Variants in TIAM1 observed in about 807,000 individuals in gnomAD.
The protein encoded by TIAM1 is TIAM Rac1 associated GEF 1.
A neutral mutation model predicts 163.5 loss-of-function variants in TIAM1; 65 were observed. That is an observed-to-expected ratio of 0.40 (90% CI 0.33 to 0.49). TIAM1 has a LOEUF of 0.49. TIAM1 is among the 20% of genes least tolerant of loss of function. The probability of loss-of-function intolerance (pLI) is 0.77; values close to 1 mark genes in which losing one functional copy is unlikely to be tolerated. For synonymous variants in TIAM1, 833 were observed against 810.1 expected (o/e 1.03, Z -0.48); for missense variants, 1,789 against 2,044.7 (o/e 0.87, Z 2.41).
intron 2 of TIAM1, among the ~76,000 whole-genome samples, chr21:31,289,423 G>A (rs1000724512): frequency 2.6e-5 from 4 of 152,118 alleles, no homozygotes; most frequent in East Asian, 1.9e-4. Context: ...CAAAACCCAC[G>A]GGCATCACAA....
At chr21:31,189,868 G>C (rs1189923225) in intron 13 of TIAM1, among the ~76,000 whole-genome samples, 1 of 152,142 alleles carries the variant, frequency 6.6e-6, no homozygotes, top group Non-Finnish European at 1.5e-5. Flanking sequence ...AGAACATAAT[G>C]ATTTTAACAG....
Position 31,206,933 on chromosome 21 carries a change from G to GTA in TIAM1, c.2388+3110_2388+3111dup, listed in dbSNP as rs1247853708. ...ATGTAGTCACTGCATACAGAAATAT[G>GTA]TATACACACACACACACACAAAGTG... On this transcript the variant is annotated intron_variant, in intron 11 of 27. Coordinates refer to ENST00000541036, the MANE Select transcript of TIAM1 (RefSeq NM_001353694.2). Among the ~76,000 whole-genome samples, 8 of 136,666 alleles carry GTA rather than the reference G, an allele frequency of 5.9e-5. No homozygotes were observed. The South Asian group carries it at 1.7e-3, about 29-fold the overall frequency. 89.7% of individuals were successfully genotyped at this position (136,666 alleles called of 152,430 possible). A position where few individuals can be genotyped will look rare whatever the true frequency, so the allele number is the denominator to read the frequency against.
rs2076792344 is a variant in TIAM1 at position 31,382,321 on chromosome 21, T to G, written c.-368-42899A>C. Among the ~76,000 whole-genome samples, 5 of 152,212 alleles carry G rather than the reference T, an allele frequency of 3.3e-5. No individual in the cohort carries two copies. The South Asian group carries it at 1.0e-3, about 32-fold the overall frequency. Reference sequence around the variant, plus strand: ...CTAAAATCATAGGTGACAAAAGGCATGACTTGAGATTTACGCCGTGTCTAG... The same window carrying G: ...CTAAAATCATAGGTGACAAAAGGCAGGACTTGAGATTTACGCCGTGTCTAG... On this transcript the variant is annotated intron_variant, in intron 2 of 28. Transcript: ENST00000286827.
intron 6 of TIAM1, among the ~76,000 whole-genome samples, chr21:31,235,267 AG>A (rs949132971): frequency 6.6e-6 from 1 of 152,100 alleles, no homozygotes; most frequent in Non-Finnish European, 1.5e-5. Context: ...TCCCAAAAAA[AG>A]GGGGCAGTCA....
intron 2 of TIAM1, among the ~76,000 whole-genome samples, chr21:31,396,484 C>A (rs1416185704): frequency 6.6e-6 from 1 of 151,906 alleles, no homozygotes; most frequent in African/African-American, 2.4e-5. Context: ...CTCCTACCTG[C>A]CCCACTGTAG....
chr21:31,295,331 G>A (rs575417246), intron 2 of TIAM1, among the ~76,000 whole-genome samples: 74 of 152,136 alleles, frequency 4.9e-4, no homozygotes, highest in South Asian at 1.2e-3. Context: ...TTAGTTGGGC[G>A]TGGTGGCAGG....
chr21:31,467,754 C>G (rs1220883365), intron 1 of TIAM1, among the ~76,000 whole-genome samples: 1 of 152,014 alleles, frequency 6.6e-6, no homozygotes, highest in Non-Finnish European at 1.5e-5. Flanking sequence ...GTCCAGGGTT[C>G]AAGGTTACAG....
intron 2 of TIAM1, among the ~76,000 whole-genome samples, chr21:31,333,471 TCC>T (rs945480315): frequency 2.6e-5 from 4 of 152,168 alleles, no homozygotes; most frequent in Non-Finnish European, 4.4e-5. Context: ...AGGGTCTGGC[TCC>T]GTCTCCCAGG....
chr21:31,269,716 G>A (rs1394573838), intron 3 of TIAM1, among the ~76,000 whole-genome samples: 6 of 143,904 alleles, frequency 4.2e-5, no homozygotes, highest in African/African-American at 7.9e-5. Context: ...CTGTCGCCCC[G>A]GCTGGAGTGC....
intron 8 of TIAM1, among the ~76,000 whole-genome samples, chr21:31,222,703 ATATATTTTTTTTTTTTTT>A (rs1359212561): frequency 2.3e-5 from 1 of 43,282 alleles, no homozygotes; most frequent in African/African-American, 1.2e-4. Context: ...ATATATATAT[ATATATTTTTTTTTTTTTT>A]TTTTTTTTTT....
At chr21:31,191,719 G>C (rs903470539) in intron 13 of TIAM1, among the ~76,000 whole-genome samples, 1 of 152,166 alleles carries the variant, frequency 6.6e-6, no homozygotes, top group African/African-American at 2.4e-5. Flanking sequence ...CTGACGCCTG[G>C]TGCCCTGTCA....
intron 10 of TIAM1, among the ~76,000 whole-genome samples, chr21:31,210,820 C>A: frequency 7.9e-6 from 1 of 125,840 alleles, no homozygotes; most frequent in African/African-American, 2.8e-5. Flanking sequence ...GAAAGGTCAC[C>A]ATTCAGCTCA....
intron 2 of TIAM1, among the ~76,000 whole-genome samples, chr21:31,400,966 C>A (rs1215102909): frequency 6.6e-6 from 1 of 152,084 alleles, no homozygotes; most frequent in African/African-American, 2.4e-5. Flanking sequence ...TGGCAGGCTC[C>A]TGTAATCCCA....
In TIAM1 at chr21:31,349,300, A is replaced by T. The variant is rs564545538; in HGVS notation, c.-368-9878T>A. Among the ~76,000 whole-genome samples the T allele has an allele frequency of 5.3e-5, 8 of 152,294 alleles. No individual in the cohort carries two copies. The East Asian group carries it at 5.8e-4, about 11-fold the overall frequency. On this transcript the variant is annotated intron_variant, in intron 2 of 28. Transcript: ENST00000286827. ...AGCCAGGTTTGTAACTGAAAGGGTG[A>T]AGGGAAAAGGGAGGAAGTGCAACCA...
At chr21:31,461,359 C>T (rs1482947833) in intron 2 of TIAM1, among the ~76,000 whole-genome samples, 2 of 152,140 alleles carry the variant, frequency 1.3e-5, no homozygotes, top group African/African-American at 4.8e-5. Context: ...ATGTGCATGT[C>T]TGTAATCCCA....
chr21:31,226,952 GTTT>G (rs35401090), intron 6 of TIAM1, among the ~76,000 whole-genome samples: 2,129 of 112,522 alleles, frequency 0.019, 45 homozygotes, highest in African/African-American at 0.066. Flanking sequence ...AAAATTCTGT[GTTT>G]TTTTTTTTTT....
rs180863220 is a variant in TIAM1, at chr21:31,264,260, T to C, written c.963+1750A>G. Among the ~76,000 whole-genome samples the C allele has an allele frequency of 2.7e-4, 41 of 152,314 alleles. No individual in the cohort carries two copies. The East Asian group carries it at 6.9e-3, about 26-fold the overall frequency. Reference sequence around the variant, plus strand: ...AACACAGTACCCAATAATTCGTTTTTCAACTCTTGCTCCCCTCCCTCCCAG... The same window carrying C: ...AACACAGTACCCAATAATTCGTTTTCCAACTCTTGCTCCCCTCCCTCCCAG... On this transcript the variant is annotated intron_variant, in intron 4 of 27. Coordinates refer to ENST00000541036, the MANE Select transcript of TIAM1 (RefSeq NM_001353694.2).
chr21:31,288,511 T>C lies in TIAM1; in HGVS notation c.-188-11603A>G, dbSNP rs845971. ...CTCTTTCATAAGGGCACGAATCCCA[T>C]TTATGAGGGCAGAGCACTCATGACC... On this transcript the variant is annotated intron_variant, in intron 2 of 27. Coordinates refer to ENST00000541036, the MANE Select transcript of TIAM1 (RefSeq NM_001353694.2). Among the ~76,000 whole-genome samples, 434 of 152,196 alleles carry C rather than the reference T, an allele frequency of 2.9e-3. 2 individuals are homozygous for C. The highest frequency in any genetic ancestry group is 4.8e-3 in the Non-Finnish European group (329 of 68,006).
chr21:31,478,462 C>G (rs938646744), intron 1 of TIAM1, among the ~76,000 whole-genome samples: 3 of 152,210 alleles, frequency 2.0e-5, no homozygotes, highest in Non-Finnish European at 4.4e-5. Flanking sequence ...TGTTTGCCTA[C>G]TTTTCACAAA....
Sources: allele counts gnomAD v4.1 joint callset (sites outside exome capture counted in the v4.1 genomes callset), GRCh38; gene constraint gnomAD v4.1.1; transcripts MANE v1.5; gene names NCBI Gene and HGNC (gene_info 2026-07-23, HGNC 2026-07-21).